Variants in SHOX observed in about 807,000 individuals in gnomAD.
The protein encoded by SHOX is short stature homeobox protein.
Under a neutral mutation model 29.6 loss-of-function variants are expected in SHOX, and 12 were observed. The ratio of observed to expected loss-of-function variants is 0.41; its 90% CI spans 0.26 to 0.66. SHOX has a LOEUF of 0.66. Ranked by LOEUF, SHOX falls within the 30% of genes least tolerant of loss-of-function variation. The pLI is 0.35. For synonymous variants in SHOX, 214 were observed against 200.6 expected, an observed-to-expected ratio of 1.07 and a Z score of -0.57; for missense variants, 499 against 437.7, an observed-to-expected ratio of 1.14 and a Z score of -1.25.
chrX:634,733 G>C lies in SHOX; in HGVS notation c.393G>C (p.Glu131Asp), dbSNP rs374188319. Reference sequence around the variant, plus strand: ...ACTTCACGCTGGAGCAGCTGAACGAGCTCGAGCGACTCTTCGACGAGACCC... The same window carrying C: ...ACTTCACGCTGGAGCAGCTGAACGACCTCGAGCGACTCTTCGACGAGACCC... ...RTNFTLEQLN[E>D]LERLFDETHY... is the part of the protein sequence containing the mutation. The change falls in exon 2 of 5, where the codon GAG becomes GAC. Residue 131 changes from glutamate to aspartate, a missense_variant. Physicochemically the swap from Glu to Asp is conservative, Grantham distance 45. Coordinates refer to ENST00000686671, the MANE Select transcript of SHOX (RefSeq NM_000451.4). 2 of 1,613,056 alleles carry C rather than the reference G, an allele frequency of 1.2e-6. No homozygotes were observed. The highest frequency in any genetic ancestry group is 1.1e-5 in the South Asian group (1 of 90,854).
chrX:625,112 T>A (rs2052497503), intron 1 of SHOX, among the ~76,000 whole-genome samples: 1 of 134,660 alleles, frequency 7.4e-6, no homozygotes, highest in South Asian at 2.6e-4. Context: ...TCTTTCTTCT[T>A]TCTTTCTTTC....
chrX:630,667 GAC>G, upstream of SHOX: 1 of 610,252 alleles, frequency 1.6e-6, no homozygotes, highest in Non-Finnish European at 2.9e-6. Context: ...GGGTGGGGGA[GAC>G]ACAGCGTCTC....
At chrX:641,295 C>T (rs2052849470) in intron 4 of SHOX, among the ~76,000 whole-genome samples, 2 of 152,146 alleles carry the variant, frequency 1.3e-5, no homozygotes, top group Non-Finnish European at 1.5e-5. Context: ...GGCGGGGTGG[C>T]TCACACCTGT....
At chrX:642,641 C>G (rs1402377980) in intron 4 of SHOX, among the ~76,000 whole-genome samples, 2 of 152,150 alleles carry the variant, frequency 1.3e-5, no homozygotes, top group Non-Finnish European at 2.9e-5. Context: ...ACGGCGGGAC[C>G]CAGTGAAATT....
downstream of SHOX, among the ~76,000 whole-genome samples, chrX:653,223 A>G (rs1474893892): frequency 6.6e-6 from 1 of 152,210 alleles, no homozygotes; most frequent in African/African-American, 2.4e-5. Context: ...CCTGGGCGAC[A>G]GAGCCAGACG....
downstream of SHOX, among the ~76,000 whole-genome samples, chrX:655,610 CTCTCTATATATATA>C (rs1218024235): frequency 3.7e-3 from 71 of 19,080 alleles, no homozygotes; most frequent in East Asian, 6.6e-3. Flanking sequence ...CTCTCTCTCT[CTCTCTATATATATA>C]TATATATATA....
At chrX:633,888 G>A (rs1430247536) in intron 1 of SHOX, among the ~76,000 whole-genome samples, 1 of 152,168 alleles carries the variant, frequency 6.6e-6, no homozygotes, top group African/African-American at 2.4e-5. Context: ...ACGCTTGAGG[G>A]CTGAGTCTTC....
chrX:655,991 C>A (rs146488985), downstream of SHOX, among the ~76,000 whole-genome samples: 7,677 of 147,526 alleles, frequency 0.052, 278 homozygotes, highest in South Asian at 0.12. Flanking sequence ...CAGCCCGTGC[C>A]ACATGGTGAA....
At chrX:625,804 T>G (rs1162343377), upstream of SHOX, among the ~76,000 whole-genome samples, 3 of 148,720 alleles carry the variant, frequency 2.0e-5, no homozygotes, top group South Asian at 2.1e-4. Context: ...CCTCTCTCTG[T>G]GTCTCTGTCT....
upstream of SHOX, among the ~76,000 whole-genome samples, chrX:627,127 C>G (rs1207320031): frequency 2.0e-5 from 3 of 152,134 alleles, no homozygotes; most frequent in Non-Finnish European, 4.4e-5. Flanking sequence ...ACAAGCACCC[C>G]CTTGTACACA....
rs371045536 is a variant in SHOX at position 649,972 on chromosome X, G to C, written c.*5336G>C. ...ACAGGGAGAAGGAATTGGATGTATC[G>C]GATGTTGCTATTAGATTTTCTTTCT... On this transcript the variant is annotated 3_prime_UTR_variant, in exon 5 of 5. Transcript: ENST00000686671. 204 of 456,016 alleles carry C rather than the reference G, an allele frequency of 4.5e-4. 5 individuals are homozygous for C. The highest frequency in any genetic ancestry group is 2.7e-3 in the South Asian group (174 of 64,558). 28.2% of individuals were successfully genotyped at this position (456,016 alleles called of 1,614,324 possible).
chrX:627,114 C>G (rs575582456), upstream of SHOX, among the ~76,000 whole-genome samples: 1 of 152,228 alleles, frequency 6.6e-6, no homozygotes, highest in African/African-American at 2.4e-5. Flanking sequence ...AGTAAAACCT[C>G]CAACAAGCAC....
intron 2 of SHOX, among the ~76,000 whole-genome samples, chrX:637,552 T>A (rs1410680796): frequency 6.7e-6 from 1 of 150,020 alleles, no homozygotes; most frequent in African/African-American, 2.5e-5. Flanking sequence ...CGCATGAAAA[T>A]TTAACGACGG....
downstream of SHOX, among the ~76,000 whole-genome samples, chrX:656,217 G>A (rs1365037923): frequency 6.6e-6 from 1 of 152,126 alleles, no homozygotes; most frequent in Admixed American, 6.5e-5. Context: ...GGCTGGGGCA[G>A]AATGGCTTGA....
upstream of SHOX, among the ~76,000 whole-genome samples, chrX:627,181 C>A (rs56361592): frequency 6.6e-6 from 1 of 152,188 alleles, no homozygotes; most frequent in Admixed American, 6.5e-5. Flanking sequence ...TGCCTGCAGC[C>A]GCCTGCTGTA....
upstream of SHOX, among the ~76,000 whole-genome samples, chrX:629,476 TC>T (rs2052608941): frequency 6.6e-6 from 1 of 151,730 alleles, no homozygotes; most frequent in African/African-American, 2.4e-5. Flanking sequence ...TCTCTGTCTT[TC>T]CTTGTCTCTC....
At chrX:639,052 G>A (rs1206082747) in intron 2 of SHOX, among the ~76,000 whole-genome samples, 12 of 152,196 alleles carry the variant, frequency 7.9e-5, no homozygotes, top group Non-Finnish European at 1.5e-4. Context: ...CTCTCCAGCT[G>A]GTCTGTCTGT....
At chrX:633,693 G>C (rs1197668333) in intron 1 of SHOX, among the ~76,000 whole-genome samples, 1 of 152,032 alleles carries the variant, frequency 6.6e-6, no homozygotes, top group East Asian at 1.9e-4. Context: ...CATCTCATTA[G>C]GGCATCGCGT....
At chrX:628,080 T>TC (rs1219512176), upstream of SHOX, among the ~76,000 whole-genome samples, 1 of 49,688 alleles carries the variant, frequency 2.0e-5, no homozygotes, top group African/African-American at 4.6e-5. Context: ...CTCTTTCTCT[T>TC]CCCCCTCCCT....
Sources: allele counts gnomAD v4.1 joint callset (sites outside exome capture counted in the v4.1 genomes callset), GRCh38; gene constraint gnomAD v4.1.1; transcripts MANE v1.5; gene names NCBI Gene and HGNC (gene_info 2026-07-23, HGNC 2026-07-21).